The following ANXA2 variants were observed in gnomAD, a reference collection of about 807,000 sequenced individuals.
The protein encoded by ANXA2 is annexin II.
In ANXA2, 28 loss-of-function variants were observed where a neutral mutation model predicts 47.3. The ratio of observed to expected loss-of-function variants is 0.59; its 90% confidence interval spans 0.44 to 0.81. ANXA2 has a LOEUF of 0.81. ANXA2 is among the 40% of genes least tolerant of loss of function. The pLI is 0.00. For synonymous variants in ANXA2, 172 were observed against 155.5 expected, an observed-to-expected ratio of 1.11 and a Z score of -0.79; for missense variants, 384 against 414.3, an observed-to-expected ratio of 0.93 and a Z score of 0.64.
At chr15:60,351,608 CCAAA>C in intron 10 of ANXA2, 112 bp downstream of exon 10, 1 of 735,304 alleles carries the variant, frequency 1.4e-6, no homozygotes, top group Non-Finnish European at 2.4e-6. Context: ...GTAAAACTAT[CCAAA>C]GCATGCATAG....
chr15:60,357,018 G>A, intron 6 of ANXA2, 128 bp downstream of exon 6: 1 of 755,164 alleles, frequency 1.3e-6, no homozygotes, highest in South Asian at 1.7e-5. Flanking sequence ...TGCCTGCATA[G>A]TCAAGGTGGC....
Position 60,352,458 on chromosome 15 carries a change from C to T in ANXA2, c.607G>A (p.Val203Met). Residue 203 changes from valine to methionine, a missense_variant, in exon 9 of 13, where the codon GTG (valine) becomes ATG (methionine). Coordinates refer to ENST00000451270, the MANE Select transcript of ANXA2 (RefSeq NM_004039.3). This position sits in a 1 kb window ranked among gnomAD's most constrained non-coding sequence, Gnocchi z 4.2. ...GGAACATCAGTTCCTTTCCTCTTCA[C>T]TCCAGCGTCATAGAGATCCTACGAG... The part of the protein sequence containing the change: ...QDARDLYDAG[V>M]KRKGTDVPKW... 1.2e-6 allele frequency: 2 copies of T among 1,613,580 alleles called. No individual in the cohort carries two copies. The highest frequency in any genetic ancestry group is 1.1e-5 in the South Asian group (1 of 91,036).
At position 60,360,958 on chromosome 15, in the gene ANXA2, G is replaced by C. The variant is rs540677660; in HGVS notation, c.340C>G (p.Leu114Val). 7 of 1,609,168 alleles carry C rather than the reference G, an allele frequency of 4.4e-6. No individual in the cohort carries two copies. In the East Asian group the frequency reaches 1.6e-4, roughly 36 times the overall value. Reference sequence around the variant, plus strand: ...GCATTTACCTTCATGGAAGCTTTTAGCTCAGAAGCGTCATACTGAGCAGGT... The same window carrying C: ...GCATTTACCTTCATGGAAGCTTTTACCTCAGAAGCGTCATACTGAGCAGGT... ...KTPAQYDASELKASMKGLGTD... is the reference protein window; with the variant it reads ...KTPAQYDASEVKASMKGLGTD... The change falls in exon 5 of 13, where the codon CTA (leucine) becomes GTA (valine). Residue 114 changes from leucine (L) to valine (V), a missense_variant. Transcript: ENST00000451270.
rs1460206486 is a variant in ANXA2, at chr15:60,348,976, A to G, written c.960+99T>C. Reference sequence around the variant, plus strand: ...CATCTCTTCCCCAGAGAGTCAGAAAACAGAAAATCGCCACTCTGTCATCAT... The same window carrying G: ...CATCTCTTCCCCAGAGAGTCAGAAAGCAGAAAATCGCCACTCTGTCATCAT... On this transcript the variant is annotated intron_variant, in intron 12 of 12. Coordinates refer to ENST00000451270, the MANE Select transcript of ANXA2 (RefSeq NM_004039.3). The G allele has an allele frequency of 4.9e-6, 7 of 1,425,776 alleles. No homozygotes were observed. The East Asian group carries it at 1.6e-4, about 33-fold the overall frequency. The allele number at this position is 1,425,776 out of a possible 1,614,324, so 88.3% of individuals were successfully genotyped here. A position where few individuals can be genotyped will look rare whatever the true frequency, so the allele number is the denominator to read the frequency against.
At chr15:60,395,044 G>A (rs1162089306) in intron 1 of ANXA2, among the ~76,000 whole-genome samples, 3 of 152,144 alleles carry the variant, frequency 2.0e-5, no homozygotes, top group Non-Finnish European at 4.4e-5. Context: ...ATTGAATCTG[G>A]AAGGCAGCTT....
At chr15:60,389,005 C>T (rs539789823) in intron 1 of ANXA2, among the ~76,000 whole-genome samples, 2 of 151,932 alleles carry the variant, frequency 1.3e-5, no homozygotes, top group Admixed American at 6.6e-5. Context: ...GACCAAGAAA[C>T]ATTCTAGAGG....
chr15:60,382,434 G>C lies in ANXA2; in HGVS notation c.56C>G (p.Thr19Arg). ...GACAGACCCATATGCACTTGGGGGT[G>C]TAGAGTGCTGAGGTTAAAAGATAAA... ...CKLSLEGDHS[T>R]PPSAYGSVKA... Residue 19 changes from threonine to arginine, a missense_variant, in exon 3 of 13, where the codon ACA (threonine) becomes AGA (arginine). Coordinates refer to ENST00000451270, the MANE Select transcript of ANXA2 (RefSeq NM_004039.3). 6.2e-7 allele frequency: 1 copy of C among 1,611,468 alleles called. No individual in the cohort carries two copies.
intron 1 of ANXA2, among the ~76,000 whole-genome samples, chr15:60,392,271 G>A (rs2063022994): frequency 6.6e-6 from 1 of 152,144 alleles, no homozygotes. Context: ...TGCAGTTATT[G>A]AGAAACAAGT....
chr15:60,356,755 C>T (rs1314811488), intron 6 of ANXA2, among the ~76,000 whole-genome samples: 1 of 152,198 alleles, frequency 6.6e-6, no homozygotes, highest in Non-Finnish European at 1.5e-5. Flanking sequence ...GGGTCTCTTG[C>T]TGTAATTCTT....
At chr15:60,363,746 C>G (rs1463391830) in intron 4 of ANXA2, among the ~76,000 whole-genome samples, 3 of 152,262 alleles carry the variant, frequency 2.0e-5, no homozygotes. Flanking sequence ...AATGAACTAA[C>G]AACTAAGCCC....
In ANXA2 at chr15:60,385,845, CATG is replaced by C. The variant is rs71707863; in HGVS notation, c.48+180_48+182del. On this transcript the variant is annotated intron_variant, in intron 2 of 12. Coordinates refer to ENST00000451270, the MANE Select transcript of ANXA2 (RefSeq NM_004039.3). ...TGAGGCCAAGAAAAGTTTCCAGTGC[CATG>C]ATATTTCCTTCAAATTGAACTACTA... 3,785 of 525,566 alleles carry C rather than the reference CATG, an allele frequency of 7.2e-3. 113 individuals carry two copies. The highest frequency in any genetic ancestry group is 0.063 in the African/African-American group (3,257 of 51,804). 32.6% of individuals were successfully genotyped at this position (525,566 alleles called of 1,614,324 possible).
intron 5 of ANXA2, among the ~76,000 whole-genome samples, chr15:60,359,655 G>A (rs1040991358): frequency 6.6e-6 from 1 of 152,180 alleles, no homozygotes; most frequent in African/African-American, 2.4e-5. Context: ...GATGCCCAGT[G>A]TCCGAAGCAC....
At chr15:60,396,383 TG>T (rs1023998594) in intron 1 of ANXA2, 2 of 152,152 alleles carry the variant, frequency 1.3e-5, no homozygotes, top group African/African-American at 4.8e-5. Flanking sequence ...TGGACCGGCC[TG>T]GATGGCTGTT....
At chr15:60,362,154 T>G (rs1336086663) in intron 4 of ANXA2, among the ~76,000 whole-genome samples, 1 of 152,154 alleles carries the variant, frequency 6.6e-6, no homozygotes, top group African/African-American at 2.4e-5. Context: ...ACACGGCACT[T>G]AGGAGGGGAC....
At chr15:60,360,036 C>G (rs973218527) in intron 5 of ANXA2, among the ~76,000 whole-genome samples, 1 of 152,202 alleles carries the variant, frequency 6.6e-6, no homozygotes, top group Non-Finnish European at 1.5e-5. Flanking sequence ...GTGGGCAGAT[C>G]ACCTGAGGTC....
At chr15:60,381,222 A>C (rs2062853750) in intron 3 of ANXA2, among the ~76,000 whole-genome samples, 1 of 152,194 alleles carries the variant, frequency 6.6e-6, no homozygotes, top group Admixed American at 6.5e-5. Flanking sequence ...GAACTATATA[A>C]GTGTGTCAGT....
chr15:60,365,826 GTCTCCCTCTCCC>G (rs200989736), intron 3 of ANXA2, among the ~76,000 whole-genome samples: 9 of 104,580 alleles, frequency 8.6e-5, no homozygotes, highest in African/African-American at 3.7e-4. Flanking sequence ...TTGCTGCTGA[GTCTCCCTCTCCC>G]TCTCCCTCTC....
chr15:60,391,798 G>T (rs2063014966), intron 1 of ANXA2, among the ~76,000 whole-genome samples: 1 of 151,776 alleles, frequency 6.6e-6, no homozygotes, highest in African/African-American at 2.4e-5. Context: ...CTCCTTTTCT[G>T]GCAGACTTCT....
intron 2 of ANXA2, chr15:60,384,184 G>C (rs2062902288): frequency 6.6e-6 from 1 of 152,248 alleles, no homozygotes; most frequent in Non-Finnish European, 1.5e-5. Context: ...GCTATAAAAT[G>C]TGGATGAAAT....
Sources: allele counts gnomAD v4.1 joint callset (sites outside exome capture counted in the v4.1 genomes callset), GRCh38; gene constraint gnomAD v4.1.1; non-coding constraint Gnocchi (gnomAD v3.1); transcripts MANE v1.5; gene names NCBI Gene and HGNC (gene_info 2026-07-23, HGNC 2026-07-21).